MTIF2: variants seen among roughly 807,000 people sequenced by gnomAD.
The protein encoded by MTIF2 is translation initiation factor IF-2, mitochondrial.
MTIF2 carries 71 observed loss-of-function variants against 83.5 expected under a neutral mutation model. That is an observed-to-expected ratio of 0.85 (90% CI 0.70 to 1.04). MTIF2 has a LOEUF of 1.04. Among genes scored for constraint, MTIF2 ranks in the 50% least tolerant of loss-of-function variants. MTIF2 has a pLI of 0.00. For missense variants in MTIF2, 957 were observed against 846.5 expected, an observed-to-expected ratio of 1.13 and a Z score of -1.62; for synonymous variants, 319 against 287.1, an observed-to-expected ratio of 1.11 and a Z score of -1.12.
At chr2:55,245,562 G>A (rs1237157867) in intron 10 of MTIF2, among the ~76,000 whole-genome samples, 1 of 152,092 alleles carries the variant, frequency 6.6e-6, no homozygotes, top group Non-Finnish European at 1.5e-5. Context: ...GCAGAAAACA[G>A]AAAGGTGGTT....
At chr2:55,269,013 G>C (rs925729190) in intron 1 of MTIF2, 156 bp downstream of exon 1, 3 of 152,116 alleles carry the variant, frequency 2.0e-5, no homozygotes, top group African/African-American at 7.2e-5. Flanking sequence ...CCTAACGTGG[G>C]CTCACGCAGG....
intron 15 of MTIF2, 70 bp downstream of exon 15, chr2:55,237,218 C>T: frequency 2.0e-6 from 3 of 1,476,920 alleles, no homozygotes; most frequent in Non-Finnish European, 2.7e-6. Context: ...GAACAGATTT[C>T]AGATGGTTAT....
At position 55,240,160 on chromosome 2, in the gene MTIF2, A is replaced by G; in HGVS notation, c.1721T>C (p.Phe574Ser). ...GATAACATTGCCTGCATTCACATTA[A>G]AGCCATATATAACACCTAGCAAACA... ...AETFDGVIYG[F>S]NVNAGNVIQQ... The change falls in exon 14 of 16, where the codon TTT (phenylalanine) becomes TCT (serine). Residue 574 changes from phenylalanine (F) to serine (S), a missense_variant. Coordinates refer to ENST00000263629, the MANE Select transcript of MTIF2 (RefSeq NM_002453.3). 1 of 1,613,520 alleles carries G rather than the reference A, an allele frequency of 6.2e-7. No homozygotes were observed. The highest frequency in any genetic ancestry group is 8.5e-7 in the Non-Finnish European group (1 of 1,179,552).
At chr2:55,242,259 A>G (rs1676378373) in intron 13 of MTIF2, among the ~76,000 whole-genome samples, 2 of 152,292 alleles carry the variant, frequency 1.3e-5, no homozygotes, top group African/African-American at 4.8e-5. Flanking sequence ...AATCAGTTAG[A>G]TGTTACCTCT....
chr2:55,255,450 T>G (rs1677442064), intron 5 of MTIF2, among the ~76,000 whole-genome samples: 1 of 145,798 alleles, frequency 6.9e-6, no homozygotes, highest in African/African-American at 2.5e-5. Flanking sequence ...GTATAATATA[T>G]ATATATAAAT....
chr2:55,246,237 G>T, intron 10 of MTIF2, 100 bp downstream of exon 10: 3 of 1,243,940 alleles, frequency 2.4e-6, no homozygotes, highest in South Asian at 3.5e-5. Context: ...TATTGTTCAT[G>T]AACTAACAAT....
rs368542489 is a variant in MTIF2, at chr2:55,258,811, CA to C, written c.331+3504del. Among the ~76,000 whole-genome samples the C allele has an allele frequency of 8.9e-3, 596 of 67,272 alleles. 6 individuals carry two copies. Among genetic ancestry groups the C allele is most frequent in the East Asian group, 0.039 (104 of 2,650 alleles). The allele number at this position is 67,272 out of a possible 152,430, so 44.1% of individuals were successfully genotyped here. A position where few individuals can be genotyped will look rare whatever the true frequency, so the allele number is the denominator to read the frequency against. On this transcript the variant is annotated intron_variant, in intron 5 of 15. Coordinates refer to ENST00000263629, the MANE Select transcript of MTIF2 (RefSeq NM_002453.3). ...TAGGTGACAGAGCAAGCCTCTGTCT[CA>C]AAAAAAAAAAAAAAAAAAAAATTAG...
At chr2:55,241,844 A>G (rs912302852) in intron 13 of MTIF2, among the ~76,000 whole-genome samples, 1 of 152,012 alleles carries the variant, frequency 6.6e-6, no homozygotes, top group Non-Finnish European at 1.5e-5. Context: ...ACTCCGTCTC[A>G]AGAAAAAGAA....
intron 14 of MTIF2, among the ~76,000 whole-genome samples, chr2:55,237,720 G>C (rs553093941): frequency 8.5e-6 from 1 of 117,690 alleles, no homozygotes; most frequent in Admixed American, 1.2e-4. Context: ...GTGTGATCTT[G>C]GCTCACTGCA....
At chr2:55,249,230 C>G (rs144890430) in intron 9 of MTIF2, among the ~76,000 whole-genome samples, 165 bp downstream of exon 9, 30 of 152,290 alleles carry the variant, frequency 2.0e-4, no homozygotes, top group African/African-American at 7.2e-4. Context: ...AGCCTAACTC[C>G]TAACATGCCA....
intron 9 of MTIF2, among the ~76,000 whole-genome samples, chr2:55,247,636 C>G (rs1676798437): frequency 2.6e-5 from 4 of 152,130 alleles, no homozygotes; most frequent in Admixed American, 1.3e-4. Context: ...GCTTACCCAC[C>G]CACTTATTCC....
In MTIF2 at chr2:55,245,759, A is replaced by AT. The variant is rs923953691; in HGVS notation, c.1106+577_1106+578insA. 8.7e-4 allele frequency among the ~76,000 whole-genome samples: 133 copies of AT among 152,012 alleles called. 2 individuals are homozygous for AT. Among genetic ancestry groups the AT allele is most frequent in the Middle Eastern group, 3.4e-3 (1 of 294 alleles). On this transcript the variant is annotated intron_variant, in intron 10 of 15. Transcript: ENST00000263629. ...TGTTTCTTACCATAATTTAAAAAAA[A>AT]AATAATTTCTTATAAGGTTATGCTA...
chr2:55,238,620 T>C lies in MTIF2; in HGVS notation c.1871-1192A>G, dbSNP rs544939366. Reference sequence around the variant, plus strand: ...TGGTCAGACTGGTCTTGAACTCCCATCCTCAGGTGATCCGCCCGCCTCGAC... The same window carrying C: ...TGGTCAGACTGGTCTTGAACTCCCACCCTCAGGTGATCCGCCCGCCTCGAC... On this transcript the variant is annotated intron_variant, in intron 14 of 15. Transcript: ENST00000263629. Among the ~76,000 whole-genome samples the C allele has an allele frequency of 2.4e-4, 37 of 152,052 alleles. No individual in the cohort carries two copies. In the South Asian group the frequency reaches 6.2e-3, roughly 26 times the overall value.
chr2:55,247,063 A>T (rs1013216033), intron 9 of MTIF2, among the ~76,000 whole-genome samples: 4 of 152,062 alleles, frequency 2.6e-5, no homozygotes, highest in African/African-American at 9.7e-5. Context: ...ACTTCCCTGG[A>T]TCTCCTTACC....
intron 8 of MTIF2, among the ~76,000 whole-genome samples, chr2:55,250,434 T>A (rs57243966): frequency 0.075 from 11,247 of 149,126 alleles, 1,348 homozygotes; most frequent in African/African-American, 0.26. Context: ...AAAAAAAAAA[T>A]CATGGGAAGA....
At position 55,249,218 on chromosome 2, in the gene MTIF2, T is replaced by G. The variant is rs753687020; in HGVS notation, c.981+177A>C. Among the ~76,000 whole-genome samples, 62 of 152,378 alleles carry G rather than the reference T, an allele frequency of 4.1e-4. 1 individual carries two copies. Among genetic ancestry groups the G allele is most frequent in the Non-Finnish European group, 3.2e-4 (22 of 68,042 alleles). On this transcript the variant is annotated intron_variant, in intron 9 of 15. Transcript: ENST00000263629. Reference sequence around the variant, plus strand: ...CTGATTAGCTGGTGACTGACCTCTCTGAGCCTAACTCCTAACATGCCAAAC... The same window carrying G: ...CTGATTAGCTGGTGACTGACCTCTCGGAGCCTAACTCCTAACATGCCAAAC...
chr2:55,264,662 G>A (rs1243563916), intron 3 of MTIF2, among the ~76,000 whole-genome samples: 1 of 151,916 alleles, frequency 6.6e-6, no homozygotes, highest in East Asian at 1.9e-4. Context: ...TCCTCTAGTT[G>A]GAATCGTCTT....
intron 14 of MTIF2, among the ~76,000 whole-genome samples, chr2:55,239,500 T>TA (rs557257503): frequency 2.3e-4 from 35 of 151,964 alleles, no homozygotes; most frequent in Non-Finnish European, 1.0e-4. Flanking sequence ...TAAAAGTTAA[T>TA]AAAAAAACAC....
At chr2:55,248,512 G>C (rs1204212478) in intron 9 of MTIF2, among the ~76,000 whole-genome samples, 1 of 152,118 alleles carries the variant, frequency 6.6e-6, no homozygotes, top group Non-Finnish European at 1.5e-5. Flanking sequence ...AAAGGAAATT[G>C]TCACTTAGCA....
Sources: gnomAD v4.1 joint callset for allele counts (sites outside exome capture counted in the v4.1 genomes callset) on GRCh38, gnomAD v4.1.1 for gene constraint, MANE v1.5 for transcripts, NCBI Gene and HGNC (gene_info 2026-07-23, HGNC 2026-07-21) for gene names.